Variants in ITSN1 observed in about 807,000 individuals in gnomAD.
The protein encoded by ITSN1 is intersectin 1, also known as intersectin-1.
A neutral mutation model predicts 239.8 loss-of-function variants in ITSN1; 58 were observed. The observed-to-expected ratio is 0.24, with a 90% CI of 0.20 to 0.30. ITSN1 has a LOEUF of 0.30. Ranked by LOEUF, ITSN1 falls within the 10% of genes least tolerant of loss-of-function variation. ITSN1 has a pLI of 1.00. For synonymous variants in ITSN1, 780 were observed against 770.8 expected (o/e 1.01, Z -0.20); for missense variants, 1,558 against 2,103.3 (o/e 0.74, Z 5.07).
chr21:33,730,348 C>T (rs1372094942), intron 4 of ITSN1, among the ~76,000 whole-genome samples: 5 of 148,942 alleles, frequency 3.4e-5, no homozygotes, highest in African/African-American at 1.2e-4. Context: ...ACTTCCTTTC[C>T]TCCTTACATT....
chr21:33,755,626 T>G (rs1193024421), intron 8 of ITSN1, among the ~76,000 whole-genome samples: 1 of 152,214 alleles, frequency 6.6e-6, no homozygotes, highest in Non-Finnish European at 1.5e-5. Flanking sequence ...GGGATACTCC[T>G]GTACGCTGAA....
chr21:33,899,841 G>A lies in ITSN1; in HGVS notation c.*11541G>A, dbSNP rs996473608. The A allele has an allele frequency of 6.6e-6, 1 of 152,130 alleles. No individual in the cohort carries two copies. The highest frequency in any genetic ancestry group is 2.4e-5 in the African/African-American group (1 of 41,414). 9.4% of individuals were successfully genotyped at this position (152,130 alleles called of 1,614,324 possible). On this transcript the variant is annotated 3_prime_UTR_variant, in exon 40 of 40. Transcript: ENST00000381318. ...TGTGGTTTAAATTCAAATAGTTCAT[G>A]AATAAAAGGAGAAAAGCCAATCTGT...
chr21:33,818,520 G>T (rs368350938), intron 23 of ITSN1, 48 bp downstream of exon 23: 56 of 1,459,748 alleles, frequency 3.8e-5, no homozygotes, highest in Non-Finnish European at 5.3e-5. Flanking sequence ...AATATTAGGC[G>T]TTATATTACT....
chr21:33,805,353 C>T (rs997223617), intron 20 of ITSN1, among the ~76,000 whole-genome samples: 4 of 152,198 alleles, frequency 2.6e-5, no homozygotes, highest in Admixed American at 1.3e-4. Context: ...CTTCTCCTGA[C>T]AGACATTTTT....
intron 6 of ITSN1, among the ~76,000 whole-genome samples, chr21:33,750,908 T>C (rs1391608595): frequency 6.6e-6 from 1 of 152,244 alleles, no homozygotes; most frequent in Non-Finnish European, 1.5e-5. Flanking sequence ...AGCCTTGGTC[T>C]AACATCTTAA....
chr21:33,670,660 A>G (rs2090213463), intron 1 of ITSN1, among the ~76,000 whole-genome samples: 2 of 152,144 alleles, frequency 1.3e-5, no homozygotes, highest in African/African-American at 4.8e-5. Flanking sequence ...CTCTTTTTGT[A>G]GTAAGTCTTT....
At chr21:33,729,755 C>G (rs1050004635) in intron 4 of ITSN1, among the ~76,000 whole-genome samples, 8 of 152,166 alleles carry the variant, frequency 5.3e-5, no homozygotes, top group Non-Finnish European at 1.2e-4. Context: ...CAGTAAAGTG[C>G]TCAGTAAGTC....
intron 1 of ITSN1, among the ~76,000 whole-genome samples, chr21:33,665,177 C>T (rs569952476): frequency 9.4e-5 from 13 of 137,578 alleles, no homozygotes; most frequent in East Asian, 6.3e-4. Flanking sequence ...GCAGGAGAAT[C>T]GCTTGAACCT....
chr21:33,644,885 A>T (rs770953278), intron 1 of ITSN1, among the ~76,000 whole-genome samples: 34 of 151,106 alleles, frequency 2.3e-4, no homozygotes, highest in Non-Finnish European at 4.6e-4. Context: ...GCAGTGGCGC[A>T]ATCTTGGCAT....
At chr21:33,876,191 C>G (rs1454636130) in intron 34 of ITSN1, among the ~76,000 whole-genome samples, 1 of 134,360 alleles carries the variant, frequency 7.4e-6, no homozygotes, top group Non-Finnish European at 1.6e-5. Context: ...CCTTCCTTCT[C>G]TCTTTCTCCT....
intron 4 of ITSN1, among the ~76,000 whole-genome samples, chr21:33,728,437 G>T (rs1431967727): frequency 6.6e-6 from 1 of 150,664 alleles, no homozygotes; most frequent in Admixed American, 6.6e-5. Context: ...ACCATGTTGG[G>T]CAGGATGGTC....
At chr21:33,831,820 T>C (rs2074309971) in intron 27 of ITSN1, among the ~76,000 whole-genome samples, 3 of 152,160 alleles carry the variant, frequency 2.0e-5, no homozygotes, top group Non-Finnish European at 4.4e-5. Flanking sequence ...CACCCATAAA[T>C]GTCCAGATAC....
chr21:33,809,774 A>G (rs1206531455), intron 20 of ITSN1, among the ~76,000 whole-genome samples: 1 of 152,170 alleles, frequency 6.6e-6, no homozygotes, highest in Non-Finnish European at 1.5e-5. Context: ...TAAGACCCTT[A>G]TAAGAATTAT....
In ITSN1 at chr21:33,823,472, AT is replaced by A; in HGVS notation, c.3017-12del. On this transcript the variant is annotated splice_polypyrimidine_tract_variant and intron_variant, in intron 24 of 39. Transcript: ENST00000381318. ...AATCAAGCTCTCTCCGTATCTCAATATTTCTCCCCACCAGAATTTATTGCCA... is the reference window on the plus strand; with the variant it reads ...AATCAAGCTCTCTCCGTATCTCAATATTCTCCCCACCAGAATTTATTGCCA... 6.2e-7 allele frequency: 1 copy of A among 1,609,910 alleles called. No individual in the cohort carries two copies. The highest frequency in any genetic ancestry group is 8.5e-7 in the Non-Finnish European group (1 of 1,177,908).
chr21:33,750,297 A>G lies in ITSN1; in HGVS notation c.501A>G (p.Gln167=). ...CTAACGGGGCTCCCCCTGTTATACA[A>G]CCTCTGCCTGCATTTGCTCATCCTG... The part of the protein sequence containing the change: ...PLANGAPPVI[Q]PLPAFAHPAA... Residue 167 remains glutamine, a synonymous_variant, in exon 6 of 40, where the codon CAA becomes CAG. Coordinates refer to ENST00000381318, the MANE Select transcript of ITSN1 (RefSeq NM_003024.3). The G allele has an allele frequency of 1.2e-6, 2 of 1,613,370 alleles. No individual in the cohort carries two copies. Among genetic ancestry groups the G allele is most frequent in the Admixed American group, 1.7e-5 (1 of 60,016 alleles).
chr21:33,830,408 G>T (rs1602494453), intron 27 of ITSN1, among the ~76,000 whole-genome samples: 1 of 152,144 alleles, frequency 6.6e-6, no homozygotes, highest in South Asian at 2.1e-4. Context: ...CTCATGATCT[G>T]CAGGGGAAAA....
chr21:33,817,113 T>G, intron 22 of ITSN1: 3 of 1,160,980 alleles, frequency 2.6e-6, no homozygotes, highest in Non-Finnish European at 3.3e-6. Flanking sequence ...TTTGTTCTTG[T>G]CCATTCATAT....
intron 1 of ITSN1, among the ~76,000 whole-genome samples, chr21:33,676,094 G>T (rs2090574656): frequency 6.6e-6 from 1 of 151,066 alleles, no homozygotes; most frequent in Admixed American, 6.6e-5. Flanking sequence ...GAGTGCAGTG[G>T]CACGATCTCG....
At chr21:33,665,007 G>A (rs2089833274) in intron 1 of ITSN1, among the ~76,000 whole-genome samples, 1 of 152,206 alleles carries the variant, frequency 6.6e-6, no homozygotes, top group African/African-American at 2.4e-5. Context: ...GCTCACTACT[G>A]TAATCCCAGC....
Sources: allele counts gnomAD v4.1 joint callset (sites outside exome capture counted in the v4.1 genomes callset), GRCh38; gene constraint gnomAD v4.1.1; transcripts MANE v1.5; gene names NCBI Gene and HGNC (gene_info 2026-07-23, HGNC 2026-07-21).